Variants in CLCN6 observed in about 807,000 individuals in gnomAD.
The protein encoded by CLCN6 is H(+)/Cl(-) exchange transporter 6.
In CLCN6, 70 loss-of-function variants were observed where a neutral mutation model predicts 109.8. That is an observed-to-expected ratio of 0.64 (90% CI 0.53 to 0.78). CLCN6 has a LOEUF of 0.78. CLCN6 is among the 30% of genes least tolerant of loss of function. The pLI is 0.00. For synonymous variants in CLCN6, 444 were observed against 447.8 expected (o/e 0.99, Z 0.11); for missense variants, 984 against 1,142.3 (o/e 0.86, Z 2.00).
At chr1:11,813,430 G>A (rs983153497) in intron 2 of CLCN6, among the ~76,000 whole-genome samples, 13 of 146,948 alleles carry the variant, frequency 8.8e-5, no homozygotes, top group Non-Finnish European at 1.2e-4. Flanking sequence ...TCACTCTGTC[G>A]CCTAGGCTGG....
chr1:11,820,391 A>T (rs780264533), intron 5 of CLCN6: 3 of 716,642 alleles, frequency 4.2e-6, no homozygotes, highest in Non-Finnish European at 7.8e-6. Context: ...GTAAATATGC[A>T]GAACAAAACT....
chr1:11,832,109 G>A (rs182620180), intron 13 of CLCN6, among the ~76,000 whole-genome samples: 1 of 152,268 alleles, frequency 6.6e-6, no homozygotes, highest in African/African-American at 2.4e-5. Context: ...GTGCTTGCTG[G>A]CCAGTAGCTG....
At chr1:11,816,769 T>C (rs1644678561) in intron 4 of CLCN6, 89 bp downstream of exon 4, 1 of 874,970 alleles carries the variant, frequency 1.1e-6, no homozygotes, top group African/African-American at 1.7e-5. Flanking sequence ...ACATTGTCAT[T>C]TGTCATTATA....
chr1:11,820,268 G>A (rs931338355), intron 5 of CLCN6: 67 of 658,156 alleles, frequency 1.0e-4, no homozygotes, highest in South Asian at 3.8e-4. Context: ...TGCCTGGGCA[G>A]CATAGCAAGA....
chr1:11,823,675 G>C, intron 6 of CLCN6, 32 bp from the exon 7 acceptor site: 1 of 1,613,892 alleles, frequency 6.2e-7, no homozygotes, highest in Non-Finnish European at 8.5e-7. Context: ...AATGGATTTC[G>C]AGTTATGGGT....
chr1:11,807,512 C>G (rs887205358), intron 2 of CLCN6, among the ~76,000 whole-genome samples: 2 of 152,166 alleles, frequency 1.3e-5, no homozygotes, highest in African/African-American at 2.4e-5. Context: ...CAGTATGTGC[C>G]CCTAACAGGT....
intron 13 of CLCN6, among the ~76,000 whole-genome samples, chr1:11,831,953 C>T (rs1644889095): frequency 6.6e-6 from 1 of 152,234 alleles, no homozygotes; most frequent in Non-Finnish European, 1.5e-5. Flanking sequence ...AGACACAAGC[C>T]ATAGCACCCA....
intron 13 of CLCN6, among the ~76,000 whole-genome samples, chr1:11,829,631 A>G (rs1644855371): frequency 7.0e-6 from 1 of 142,154 alleles, no homozygotes; most frequent in Non-Finnish European, 1.5e-5. Context: ...CCTGGGAACA[A>G]CCCTGGCGTC....
intron 5 of CLCN6, among the ~76,000 whole-genome samples, chr1:11,821,068 C>G (rs1395716788): frequency 7.2e-6 from 1 of 138,534 alleles, no homozygotes; most frequent in Non-Finnish European, 1.6e-5. Context: ...GAGAGCAAAA[C>G]TGTCTCAAAA....
At chr1:11,838,812 C>A (rs551894492) in intron 22 of CLCN6, 152 bp downstream of exon 22, 1 of 1,152,982 alleles carries the variant, frequency 8.7e-7, no homozygotes, top group Non-Finnish European at 1.3e-6. Flanking sequence ...GCTCGGCTTC[C>A]GTGCACTCGG....
At chr1:11,818,805 G>A in intron 4 of CLCN6, among the ~76,000 whole-genome samples, 1 of 152,172 alleles carries the variant, frequency 6.6e-6, no homozygotes, top group Admixed American at 6.5e-5. Flanking sequence ...GCACAGTGGG[G>A]TGTGCCTGTA....
rs1376587386 is a variant in CLCN6 at position 11,837,468 on chromosome 1, T to C, written c.2264T>C (p.Val755Ala). 6.2e-7 allele frequency: 1 copy of C among 1,614,018 alleles called. No individual in the cohort carries two copies. Among genetic ancestry groups the C allele is most frequent in the Admixed American group, 1.7e-5 (1 of 60,010 alleles). ...CGGTCGCAGCTTGTCACCCTGCTTG[T>C]CCGAGGAGTTTGTTACTCTGAAAGC... ...ILRSQLVTLLVRGVCYSESQS... is the reference protein window; with the variant it reads ...ILRSQLVTLLARGVCYSESQS... Residue 755 changes from valine to alanine, a missense_variant, in exon 20 of 23, where the codon GTC (valine) becomes GCC (alanine). Physicochemically the swap from Val to Ala is moderately conservative, Grantham distance 64. Coordinates refer to ENST00000346436, the MANE Select transcript of CLCN6 (RefSeq NM_001286.5).
chr1:11,836,957 C>A, intron 18 of CLCN6, 42 bp from the exon 19 acceptor site: 1 of 1,599,166 alleles, frequency 6.3e-7, no homozygotes, highest in South Asian at 1.1e-5. Context: ...CTGCTGTGTT[C>A]GTTTGCCCAT....
chr1:11,835,909 G>C (rs41275496), intron 17 of CLCN6, 58 bp from the exon 18 acceptor site: 73,108 of 1,525,418 alleles, frequency 0.048, 1,974 homozygotes, highest in Middle Eastern at 0.096. Flanking sequence ...AGCACAGCTT[G>C]CTCCCAGGGG....
At chr1:11,819,136 C>T (rs1644709668) in intron 4 of CLCN6, among the ~76,000 whole-genome samples, 1 of 152,234 alleles carries the variant, frequency 6.6e-6, no homozygotes, top group Non-Finnish European at 1.5e-5. Context: ...TGGCCAAAGA[C>T]AATTCTTCTT....
At position 11,829,251 on chromosome 1, in the gene CLCN6, T is replaced by C. The variant is rs556777026; in HGVS notation, c.1177T>C (p.Ser393Pro). 7 of 1,614,150 alleles carry C rather than the reference T, an allele frequency of 4.3e-6. No homozygotes were observed. Among genetic ancestry groups the C allele is most frequent in the East Asian group, 4.5e-5 (2 of 44,876 alleles). Residue 393 changes from serine to proline, a missense_variant, in exon 13 of 23, where the codon TCG becomes CCG. By Grantham distance (74) the Ser-to-Pro change is moderately conservative. Transcript: ENST00000346436. ...AACCACCGTGGTGGTGTTTGTGGCC[T>C]CGATGGTGTTAGGAGAATGCCGACA... ...LVTTVVVFVA[S>P]MVLGECRQMS...
intron 22 of CLCN6, among the ~76,000 whole-genome samples, chr1:11,839,580 C>T (rs1225504013): frequency 6.6e-6 from 1 of 152,202 alleles, no homozygotes; most frequent in Non-Finnish European, 1.5e-5. Context: ...TTCTTCTATG[C>T]GGCACAACCC....
At chr1:11,832,041 G>A (rs1483760979) in intron 13 of CLCN6, among the ~76,000 whole-genome samples, 1 of 152,130 alleles carries the variant, frequency 6.6e-6, no homozygotes, top group Non-Finnish European at 1.5e-5. Flanking sequence ...TGTCTTTATT[G>A]TGTACCAGAT....
In CLCN6 at chr1:11,833,497, C is replaced by G. The variant is rs1391851605; in HGVS notation, c.1249-18C>G. The G allele has an allele frequency of 1.2e-6, 2 of 1,613,126 alleles. No homozygotes were observed. Among genetic ancestry groups the G allele is most frequent in the Middle Eastern group, 1.7e-4 (1 of 6,054 alleles). ...AGTCAGGTGTCCTTGTACTGATTTT[C>G]TGATTCCTTCTTCTCAGGTCACAGA... is the stretch of plus-strand genomic sequence containing the variant. On this transcript the variant is annotated intron_variant, in intron 13 of 22. Transcript: ENST00000346436.
Sources: gnomAD v4.1 joint callset for allele counts (sites outside exome capture counted in the v4.1 genomes callset) on GRCh38, gnomAD v4.1.1 for gene constraint, MANE v1.5 for transcripts, NCBI Gene and HGNC (gene_info 2026-07-23, HGNC 2026-07-21) for gene names.